Variants in ACSL3 observed in about 807,000 individuals in gnomAD.
ACSL3 encodes fatty acid CoA ligase Acsl3.
ACSL3 carries 34 observed loss-of-function variants against 84.7 expected under a neutral mutation model. That is an observed-to-expected ratio of 0.40 (90% CI 0.31 to 0.53). The LOEUF (loss-of-function observed/expected upper bound fraction) is 0.53. Ranked by LOEUF, ACSL3 falls within the 20% of genes least tolerant of loss-of-function variation. The pLI is 0.48. For missense variants in ACSL3, 680 were observed against 873.1 expected, an observed-to-expected ratio of 0.78 and a Z score of 2.79; for synonymous variants, 315 against 299.4, an observed-to-expected ratio of 1.05 and a Z score of -0.54.
chr2:222,906,789 A>G (rs67810743), intron 3 of ACSL3, among the ~76,000 whole-genome samples: 12,347 of 151,908 alleles, frequency 0.081, 743 homozygotes, highest in African/African-American at 0.16. Flanking sequence ...TAATTTTTGT[A>G]TTTTTAGTAG....
intron 5 of ACSL3, 61 bp downstream of exon 5, chr2:222,916,557 T>C: frequency 6.9e-6 from 10 of 1,453,506 alleles, no homozygotes; most frequent in Non-Finnish European, 9.2e-6. Context: ...TGAAATACTT[T>C]ACTCTGAAGA....
chr2:222,921,089 C>G, intron 7 of ACSL3, 191 bp from the exon 8 acceptor site: 1 of 704,420 alleles, frequency 1.4e-6, no homozygotes. Flanking sequence ...TTGTATATCT[C>G]AATAGAATAT....
At chr2:222,936,913 G>C (rs1039110833) in intron 16 of ACSL3, among the ~76,000 whole-genome samples, 1 of 152,108 alleles carries the variant, frequency 6.6e-6, no homozygotes, top group African/African-American at 2.4e-5. Context: ...ATCAGATCTT[G>C]TGAGGTCTCA....
chr2:222,932,369 C>A lies in ACSL3; in HGVS notation c.1733-797C>A, dbSNP rs146854880. 7.4e-3 allele frequency among the ~76,000 whole-genome samples: 1,134 copies of A among 152,276 alleles called. 22 individuals carry two copies. The highest frequency in any genetic ancestry group is 0.025 in the African/African-American group (1,057 of 41,536). On this transcript the variant is annotated intron_variant, in intron 14 of 16. Transcript: ENST00000357430. ...TTTGAGATGTAGTCTTGCTCTGTCG[C>A]CCAGGCTGGAGTGCAGTGGCACCAT...
At chr2:222,881,310 C>T (rs188259044) in intron 1 of ACSL3, among the ~76,000 whole-genome samples, 22 of 152,308 alleles carry the variant, frequency 1.4e-4, no homozygotes, top group Admixed American at 7.8e-4. Flanking sequence ...GTGGCACTTG[C>T]GGTTACCGCA....
Position 222,943,458 on chromosome 2 carries a change from AAAAG to A in ACSL3, c.*1805_*1808del, listed in dbSNP as rs1481508316. ...AATTGTTTGCTTTCAGATGATTAAA[AAAAG>A]GAGATTGTATCTAGGAAAAAAGTGT... On this transcript the variant is annotated 3_prime_UTR_variant, in exon 17 of 17. Transcript: ENST00000357430. 1.7e-5 allele frequency: 3 copies of A among 173,990 alleles called. No individual in the cohort carries two copies. The highest frequency in any genetic ancestry group is 6.4e-5 in the Admixed American group (1 of 15,738). 10.8% of individuals were successfully genotyped at this position (173,990 alleles called of 1,614,324 possible). A position where few individuals can be genotyped will look rare whatever the true frequency, so the allele number is the denominator to read the frequency against.
chr2:222,929,320 G>A (rs1193762568), intron 13 of ACSL3, among the ~76,000 whole-genome samples: 3 of 151,518 alleles, frequency 2.0e-5, no homozygotes, highest in East Asian at 3.9e-4. Flanking sequence ...TTTTCTGAGG[G>A]CTTCAACCTT....
At chr2:222,887,713 G>C (rs552468526) in intron 1 of ACSL3, 117 bp from the exon 2 acceptor site, 3 of 152,140 alleles carry the variant, frequency 2.0e-5, no homozygotes, top group Non-Finnish European at 4.4e-5. Context: ...AAAACTCACC[G>C]GAAACTTTTC....
chr2:222,875,910 T>A (rs764548096), intron 1 of ACSL3, among the ~76,000 whole-genome samples: 2 of 152,216 alleles, frequency 1.3e-5, no homozygotes, highest in Non-Finnish European at 2.9e-5. Context: ...TTATTGAACA[T>A]ATACTAGGTA....
chr2:222,924,388 T>C (rs1168950183), intron 10 of ACSL3, 68 bp from the exon 11 acceptor site: 22 of 1,341,052 alleles, frequency 1.6e-5, no homozygotes, highest in Non-Finnish European at 2.1e-5. Context: ...AATGTTAATC[T>C]AATGCTAAGT....
At chr2:222,927,884 A>G (rs933610926) in intron 12 of ACSL3, among the ~76,000 whole-genome samples, 1 of 151,940 alleles carries the variant, frequency 6.6e-6, no homozygotes, top group Non-Finnish European at 1.5e-5. Context: ...ATTTTCATGT[A>G]TTACTTCATT....
intron 7 of ACSL3, among the ~76,000 whole-genome samples, chr2:222,920,553 T>A (rs35079082): frequency 0.067 from 10,206 of 152,290 alleles, 450 homozygotes; most frequent in African/African-American, 0.11. Flanking sequence ...CTAGATACTC[T>A]AGTCCAAAGC....
At chr2:222,933,135 T>G (rs1415107898) in intron 14 of ACSL3, 31 bp from the exon 15 acceptor site, 1 of 1,363,186 alleles carries the variant, frequency 7.3e-7, no homozygotes, top group African/African-American at 1.4e-5. Flanking sequence ...TACTCATTGT[T>G]TTCCCCTCTC....
intron 2 of ACSL3, among the ~76,000 whole-genome samples, chr2:222,893,991 C>T (rs533972655): frequency 7.9e-5 from 12 of 152,218 alleles, no homozygotes; most frequent in East Asian, 3.9e-4. Context: ...CCACCGCTCC[C>T]GGCAAGAAGC....
chr2:222,942,371 A>G lies in ACSL3; in HGVS notation c.*717A>G, dbSNP rs982319595. 1.0e-5 allele frequency: 2 copies of G among 191,474 alleles called. No individual in the cohort carries two copies. The highest frequency in any genetic ancestry group is 4.6e-5 in the African/African-American group (2 of 43,072). The allele number at this position is 191,474 out of a possible 1,614,324, so 11.9% of individuals were successfully genotyped here. A position where few individuals can be genotyped will look rare whatever the true frequency, so the allele number is the denominator to read the frequency against. The stretch of plus-strand genomic sequence containing the variant: ...GTAAGGGAGATAACACAGCATGTGT[A>G]GCACCAGTTGATAATTGGTCTCTAG... On this transcript the variant is annotated 3_prime_UTR_variant, in exon 17 of 17. Coordinates refer to ENST00000357430, the MANE Select transcript of ACSL3 (RefSeq NM_004457.5).
intron 2 of ACSL3, among the ~76,000 whole-genome samples, chr2:222,895,168 A>T (rs931994457): frequency 7.2e-5 from 11 of 152,066 alleles, no homozygotes; most frequent in Non-Finnish European, 1.2e-4. Context: ...CTCCTAGATG[A>T]CTATTTTATA....
intron 3 of ACSL3, among the ~76,000 whole-genome samples, chr2:222,908,107 C>T (rs987932678): frequency 6.6e-6 from 1 of 152,154 alleles, no homozygotes; most frequent in Non-Finnish European, 1.5e-5. Flanking sequence ...GTGCTTAGAA[C>T]GATATCTAAC....
chr2:222,892,563 C>T (rs78230197), intron 2 of ACSL3, among the ~76,000 whole-genome samples: 39 of 152,206 alleles, frequency 2.6e-4, no homozygotes, highest in African/African-American at 3.4e-4. Context: ...ACATGATTTG[C>T]GTCATTCATC....
chr2:222,874,003 T>C (rs952504145), intron 1 of ACSL3, among the ~76,000 whole-genome samples: 1 of 152,184 alleles, frequency 6.6e-6, no homozygotes, highest in Admixed American at 6.6e-5. Flanking sequence ...CCATTGCACC[T>C]GTACTTGGAT....
Sources: allele counts gnomAD v4.1 joint callset (sites outside exome capture counted in the v4.1 genomes callset), GRCh38; gene constraint gnomAD v4.1.1; transcripts MANE v1.5; gene names NCBI Gene and HGNC (gene_info 2026-07-23, HGNC 2026-07-21).